TF: variants seen among roughly 807,000 people sequenced by gnomAD.
TF encodes serotransferrin.
A neutral mutation model predicts 82.4 loss-of-function variants in TF; 55 were observed. That is an observed-to-expected ratio of 0.67 (90% CI 0.54 to 0.84). The LOEUF is 0.84. Among genes scored for constraint, TF ranks in the 40% least tolerant of loss-of-function variants. The pLI, the probability that TF is intolerant of heterozygous loss-of-function variation, is 0.00. For missense variants in TF, 737 were observed against 868.4 expected, an observed-to-expected ratio of 0.85 and a Z score of 1.90; for synonymous variants, 332 against 332.6, an observed-to-expected ratio of 1.00 and a Z score of 0.02.
intron 4 of TF, among the ~76,000 whole-genome samples, chr3:133,754,939 G>T (rs1488440936): frequency 6.6e-6 from 1 of 152,236 alleles, no homozygotes; most frequent in Non-Finnish European, 1.5e-5. Context: ...GAGGGTTTCA[G>T]TCTAGGCGAT....
At chr3:133,741,275 G>A (rs1032021725), upstream of TF, among the ~76,000 whole-genome samples, 2 of 152,078 alleles carry the variant, frequency 1.3e-5, no homozygotes, top group African/African-American at 4.8e-5. Flanking sequence ...TTATAGACAT[G>A]AGCCACCATG....
At chr3:133,749,679 A>T (rs866917369) in intron 2 of TF, among the ~76,000 whole-genome samples, 14 of 152,332 alleles carry the variant, frequency 9.2e-5, no homozygotes, top group African/African-American at 3.1e-4. Context: ...AAAGGGCCTG[A>T]GGCAGAGCAG....
At chr3:133,710,724 CCTT>C in the TF span, among the ~76,000 whole-genome samples, 1 of 152,224 alleles carries the variant, frequency 6.6e-6, no homozygotes, top group African/African-American at 2.4e-5. Flanking sequence ...TATTACTTCT[CCTT>C]CTGGTGTGTC....
At chr3:133,743,378 T>C (rs927346314), upstream of TF, among the ~76,000 whole-genome samples, 4 of 152,016 alleles carry the variant, frequency 2.6e-5, no homozygotes, top group African/African-American at 7.2e-5. Flanking sequence ...GGCAAAGCCC[T>C]GGGGGCTGTG....
the TF span, among the ~76,000 whole-genome samples, chr3:133,722,030 C>G: frequency 6.6e-6 from 1 of 152,034 alleles, no homozygotes; most frequent in African/African-American, 2.4e-5. Context: ...CAGATGCTTG[C>G]CACCAAGCTC....
At chr3:133,671,347 A>G in the TF span, among the ~76,000 whole-genome samples, 1 of 152,258 alleles carries the variant, frequency 6.6e-6, no homozygotes, top group East Asian at 1.9e-4. Flanking sequence ...CAATAAAATT[A>G]GAATATATTT....
Position 133,790,212 on chromosome 3 carries a change from A to G in TF, c.*11592A>G, listed in dbSNP as rs905590204. 1 of 152,218 alleles carries G rather than the reference A, an allele frequency of 6.6e-6. No individual in the cohort carries two copies. The allele number at this position is 152,218 out of a possible 1,614,324, so 9.4% of individuals were successfully genotyped here. A position where few individuals can be genotyped will look rare whatever the true frequency, so the allele number is the denominator to read the frequency against. On this transcript the variant is annotated 3_prime_UTR_variant, in exon 17 of 17. Transcript: ENST00000402696. ...TCATTTAAGATCTGGGCCATTTCCAATTAGAAAGGTTGTGATATGGGGAAA... is the reference window on the plus strand; with the variant it reads ...TCATTTAAGATCTGGGCCATTTCCAGTTAGAAAGGTTGTGATATGGGGAAA...
chr3:133,754,611 A>T lies in TF; in HGVS notation c.442A>T (p.Asn148Tyr). 6.2e-7 allele frequency: 1 copy of T among 1,614,212 alleles called. No homozygotes were observed. Among genetic ancestry groups the T allele is most frequent in the Non-Finnish European group, 8.5e-7 (1 of 1,180,028 alleles). The change falls in exon 4 of 17, where the codon AAC (asparagine) becomes TAC (tyrosine). Residue 148 changes from asparagine to tyrosine, a missense_variant. Transcript: ENST00000402696. Reference sequence around the variant, plus strand: ...GGGTCTAGGCAGGTCCGCTGGGTGGAACATCCCCATAGGCTTACTTTACTG... The same window carrying T: ...GGGTCTAGGCAGGTCCGCTGGGTGGTACATCCCCATAGGCTTACTTTACTG... ...HTGLGRSAGW[N>Y]IPIGLLYCDL... is the part of the protein sequence containing the mutation.
At chr3:133,664,637 A>G in the TF span, among the ~76,000 whole-genome samples, 1 of 152,216 alleles carries the variant, frequency 6.6e-6, no homozygotes, top group African/African-American at 2.4e-5. Flanking sequence ...TGTACTTTAA[A>G]TAATCACTAG....
At chr3:133,665,958 C>G in the TF span, among the ~76,000 whole-genome samples, 1 of 138,882 alleles carries the variant, frequency 7.2e-6, no homozygotes, top group Non-Finnish European at 1.5e-5. Context: ...AAAAAAAGAA[C>G]GGGAAAGAAA....
At chr3:133,688,060 T>C in the TF span, 1 of 152,680 alleles carries the variant, frequency 6.5e-6, no homozygotes. Context: ...AGAGAATTCA[T>C]GTGAGCCAGG....
chr3:133,764,779 C>A, intron 10 of TF, 96 bp from the exon 11 acceptor site: 1 of 1,254,042 alleles, frequency 8.0e-7, no homozygotes, highest in Non-Finnish European at 1.2e-6. Flanking sequence ...TTTTCTCTGA[C>A]TTTCTTTATT....
intron 3 of TF, chr3:133,754,070 A>G (rs186850933): frequency 6.9e-6 from 3 of 432,590 alleles, no homozygotes; most frequent in African/African-American, 6.0e-5. Context: ...TCTGGAGCAC[A>G]CACTCAGAGG....
Position 133,757,895 on chromosome 3 carries a change from T to C in TF, c.997T>C (p.Tyr333His). The C allele has an allele frequency of 6.2e-7, 1 of 1,614,198 alleles. No homozygotes were observed. The highest frequency in any genetic ancestry group is 1.1e-5 in the South Asian group (1 of 91,080). ...KVPPRMDAKMYLGYEYVTAIR... is the reference protein window; with the variant it reads ...KVPPRMDAKMHLGYEYVTAIR... ...CCCCCCCAGGATGGATGCCAAGATG[T>C]ACCTGGGCTATGAGTATGTCACTGC... The change falls in exon 8 of 17, where the codon TAC (tyrosine) becomes CAC (histidine). Residue 333 changes from tyrosine to histidine, a missense_variant. Coordinates refer to ENST00000402696, the MANE Select transcript of TF (RefSeq NM_001063.4).
the TF span, among the ~76,000 whole-genome samples, chr3:133,670,846 C>G: frequency 6.6e-6 from 1 of 152,200 alleles, no homozygotes; most frequent in Non-Finnish European, 1.5e-5. Flanking sequence ...AGATGAACCA[C>G]TCGGCACATG....
At chr3:133,682,052 T>A in the TF span, among the ~76,000 whole-genome samples, 1 of 150,348 alleles carries the variant, frequency 6.7e-6, no homozygotes, top group East Asian at 1.9e-4. Flanking sequence ...CAATATTTGC[T>A]GTTCTGCAGG....
At chr3:133,731,859 C>T in the TF span, among the ~76,000 whole-genome samples, 3,679 of 152,300 alleles carry the variant, frequency 0.024, 71 homozygotes, top group Non-Finnish European at 0.039. Context: ...CAATCCCATG[C>T]CCATTTTATT....
At chr3:133,702,479 G>A in the TF span, among the ~76,000 whole-genome samples, 1 of 151,794 alleles carries the variant, frequency 6.6e-6, no homozygotes, top group Non-Finnish European at 1.5e-5. Flanking sequence ...AATAAAAATA[G>A]GGCTGCAGTG....
the TF span, among the ~76,000 whole-genome samples, chr3:133,719,551 C>T: frequency 1.1e-4 from 17 of 152,188 alleles, no homozygotes; most frequent in East Asian, 3.1e-3. Context: ...TACTGTGATA[C>T]CCCCAGCTTT....
Sources: allele counts gnomAD v4.1 joint callset (sites outside exome capture counted in the v4.1 genomes callset), GRCh38; gene constraint gnomAD v4.1.1; transcripts MANE v1.5; gene names NCBI Gene and HGNC (gene_info 2026-07-23, HGNC 2026-07-21).